The following EFEMP1 variants were observed in gnomAD, a reference collection of about 807,000 sequenced individuals.
EFEMP1 encodes the protein EGF-containing fibulin-like extracellular matrix protein 1.
In EFEMP1, 18 loss-of-function variants were observed where a neutral mutation model predicts 65.7. The ratio of observed to expected loss-of-function variants is 0.27; its 90% CI spans 0.19 to 0.41. The LOEUF is 0.41. Ranked by LOEUF, EFEMP1 falls within the 10% of genes least tolerant of loss-of-function variation. EFEMP1 has a pLI of 1.00. For missense variants in EFEMP1, 469 were observed against 624.8 expected (o/e 0.75, Z 2.66); for synonymous variants, 237 against 219.7 (o/e 1.08, Z -0.70).
intron 5 of EFEMP1, among the ~76,000 whole-genome samples, chr2:55,903,173 C>A (rs1280156853): frequency 6.6e-6 from 1 of 152,134 alleles, no homozygotes; most frequent in African/African-American, 2.4e-5. Context: ...TTTCTGGAAT[C>A]CTCTTGAGCA....
rs909972919 is a variant in EFEMP1 at position 55,877,124 on chromosome 2, G to A, written c.761-382C>T. Among the ~76,000 whole-genome samples the A allele has an allele frequency of 1.3e-5, 2 of 152,042 alleles. No homozygotes were observed. Among genetic ancestry groups the A allele is most frequent in the East Asian group, 1.9e-4 (1 of 5,198 alleles). ...CCAATTCTATAAATAATTGATATAA[G>A]ACACTTATACTGATATGGTCTCTCA... On this transcript the variant is annotated intron_variant, in intron 7 of 11. Transcript: ENST00000355426. This position sits in a 1 kb window ranked among gnomAD's most constrained non-coding sequence, Gnocchi z 4.5.
At chr2:55,880,987 GT>G (rs2104390829) in intron 6 of EFEMP1, among the ~76,000 whole-genome samples, 1 of 152,294 alleles carries the variant, frequency 6.6e-6, no homozygotes, top group East Asian at 1.9e-4. Flanking sequence ...TGTACTCATG[GT>G]ACCCTACAAA....
In EFEMP1 at chr2:55,881,854, C is replaced by T. The variant is rs548849383; in HGVS notation, c.518-120G>A. ...TTCTTAAAAGTTTATAATGTTCTTG[C>T]ATTGGAAATGTTTAAAATTATAAAT... On this transcript the variant is annotated intron_variant, in intron 5 of 11. Transcript: ENST00000355426. The T allele has an allele frequency of 5.4e-4, 700 of 1,288,020 alleles. 6 individuals are homozygous for T. The South Asian group carries it at 7.1e-3, about 13-fold the overall frequency. The allele number at this position is 1,288,020 out of a possible 1,614,324, so 79.8% of individuals were successfully genotyped here.
At chr2:55,874,007 C>A (rs892705414) in intron 9 of EFEMP1, among the ~76,000 whole-genome samples, 7 of 152,090 alleles carry the variant, frequency 4.6e-5, no homozygotes, top group African/African-American at 1.7e-4. Context: ...CCTGTACAAG[C>A]TTTATAGTTT....
intron 5 of EFEMP1, among the ~76,000 whole-genome samples, chr2:55,910,492 C>A (rs576130653): frequency 2.0e-5 from 3 of 152,280 alleles, no homozygotes; most frequent in Admixed American, 2.0e-4. Flanking sequence ...GCCAGCAATT[C>A]AACACGTGCA....
intron 5 of EFEMP1, among the ~76,000 whole-genome samples, chr2:55,897,472 T>A (rs1669872024): frequency 6.6e-6 from 1 of 152,204 alleles, no homozygotes; most frequent in Non-Finnish European, 1.5e-5. Context: ...CAGGTATGAC[T>A]ATTATTAATG....
intron 5 of EFEMP1, among the ~76,000 whole-genome samples, chr2:55,901,793 T>C (rs1670045691): frequency 6.6e-6 from 1 of 152,120 alleles, no homozygotes; most frequent in South Asian, 2.1e-4. Flanking sequence ...AATTGATGGG[T>C]TGCCACTTCT....
chr2:55,904,930 C>G (rs1409566093), intron 5 of EFEMP1, among the ~76,000 whole-genome samples: 1 of 144,036 alleles, frequency 6.9e-6, no homozygotes, highest in Non-Finnish European at 1.5e-5. Flanking sequence ...CTAACTGTGA[C>G]AGAGAAATTA....
At chr2:55,876,908 A>T (rs1374335317) in intron 7 of EFEMP1, among the ~76,000 whole-genome samples, 166 bp from the exon 8 acceptor site, 1 of 152,078 alleles carries the variant, frequency 6.6e-6, no homozygotes, top group East Asian at 1.9e-4. Context: ...ACTGGAGAAC[A>T]TCCATTTAGG....
At position 55,885,163 on chromosome 2, in the gene EFEMP1, T is replaced by C. The variant is rs1224156125; in HGVS notation, c.518-3429A>G. On this transcript the variant is annotated intron_variant, in intron 5 of 11. Coordinates refer to ENST00000355426, the MANE Select transcript of EFEMP1 (RefSeq NM_001039348.3). This position sits in a 1 kb window ranked among gnomAD's most constrained non-coding sequence, Gnocchi z 4.3. ...TATAAAGCAGATTCGCCAGAAGAGG[T>C]GGGTTCTCCACTGCATTTTGAAGAA... 3.3e-5 allele frequency among the ~76,000 whole-genome samples: 5 copies of C among 151,932 alleles called. No homozygotes were observed. The highest frequency in any genetic ancestry group is 1.2e-4 in the African/African-American group (5 of 41,350).
rs1321561831 is a variant in EFEMP1 at position 55,871,030 on chromosome 2, CA to C, written c.1093del (p.Cys365ValfsTer7). On this transcript the variant is annotated frameshift_variant, in exon 10 of 12. Coordinates refer to ENST00000355426, the MANE Select transcript of EFEMP1 (RefSeq NM_001039348.3). LOFTEE classifies it high-confidence loss of function. The surrounding 1 kb of genome is among the most constrained non-coding windows in gnomAD (Gnocchi z 4.2). ...GGFRCYPRNP[C>X]QDPYILTPEN... ...TGGTGTTAGAATGTAGGGATCTTGACAAGGATTTCGTGGATAACAACGGAAG... is the reference window on the plus strand; with the variant it reads ...TGGTGTTAGAATGTAGGGATCTTGACAGGATTTCGTGGATAACAACGGAAG... 6.2e-7 allele frequency: 1 copy of C among 1,613,564 alleles called. No individual in the cohort carries two copies. The highest frequency in any genetic ancestry group is 1.3e-5 in the African/African-American group (1 of 74,886).
chr2:55,876,808 A>G, intron 7 of EFEMP1, 66 bp from the exon 8 acceptor site: 1 of 977,828 alleles, frequency 1.0e-6, no homozygotes, highest in Non-Finnish European at 1.4e-6. Flanking sequence ...ATATATATAG[A>G]CTTTAAACAT....
At position 55,899,201 on chromosome 2, in the gene EFEMP1, C is replaced by G. The variant is rs767604584; in HGVS notation, c.518-17467G>C. Among the ~76,000 whole-genome samples, 230 of 152,342 alleles carry G rather than the reference C, an allele frequency of 1.5e-3. 1 individual carries two copies. Among genetic ancestry groups the G allele is most frequent in the Middle Eastern group, 3.4e-3 (1 of 294 alleles). On this transcript the variant is annotated intron_variant, in intron 5 of 11. Coordinates refer to ENST00000355426, the MANE Select transcript of EFEMP1 (RefSeq NM_001039348.3). The stretch of plus-strand genomic sequence containing the variant: ...ATTTTTCAGTAATCGCCACTTACCA[C>G]TGATGATGTGGGGACTGAGGCTCTC...
intron 5 of EFEMP1, among the ~76,000 whole-genome samples, chr2:55,907,665 C>G (rs3791659): frequency 0.098 from 14,866 of 152,218 alleles, 944 homozygotes; most frequent in South Asian, 0.25. Flanking sequence ...CTAACATCAT[C>G]ATTGAATAAA....
In EFEMP1 at chr2:55,870,709, A is replaced by G. The variant is rs754178385; in HGVS notation, c.1320+11T>C. On this transcript the variant is annotated intron_variant, in intron 11 of 11. Transcript: ENST00000355426. This position sits in a 1 kb window ranked among gnomAD's most constrained non-coding sequence, Gnocchi z 5.8. ...TTTCTCAATAGTTAAGGCTGCCTTC[A>G]GGATACTTACTCGTAGGTAGAACTC... The G allele has an allele frequency of 2.5e-6, 4 of 1,613,242 alleles. No homozygotes were observed. In the South Asian group the frequency reaches 3.3e-5, roughly 13 times the overall value.
chr2:55,873,101 C>CACACACACAG lies in EFEMP1; in HGVS notation c.1000+1844_1000+1845insCTGTGTGTGT, dbSNP rs1349471027. Among the ~76,000 whole-genome samples, 3 of 150,942 alleles carry CACACACACAG rather than the reference C, an allele frequency of 2.0e-5. No individual in the cohort carries two copies. The East Asian group carries it at 5.8e-4, about 29-fold the overall frequency. Reference sequence around the variant, plus strand: ...ACACACACACACACACACACACACACAGTTTTCATTTGTATAGGCCTGTGA... The same window carrying CACACACACAG: ...ACACACACACACACACACACACACACACACACACAGAGTTTTCATTTGTATAGGCCTGTGA... On this transcript the variant is annotated intron_variant, in intron 9 of 11. Transcript: ENST00000355426. The surrounding 1 kb of genome is among the most constrained non-coding windows in gnomAD (Gnocchi z 4.6).
At chr2:55,914,932 G>A (rs997672444) in intron 5 of EFEMP1, among the ~76,000 whole-genome samples, 2 of 152,188 alleles carry the variant, frequency 1.3e-5, no homozygotes, top group Non-Finnish European at 2.9e-5. Context: ...TTGTGCTGCT[G>A]GCCTGGAATG....
At chr2:55,906,741 C>T (rs539153594) in intron 5 of EFEMP1, among the ~76,000 whole-genome samples, 105 of 152,242 alleles carry the variant, frequency 6.9e-4, no homozygotes, top group Non-Finnish European at 9.0e-4. Flanking sequence ...ATATAATTTA[C>T]CAAAGTCTGA....
At chr2:55,875,859 A>G (rs1669012604) in intron 8 of EFEMP1, among the ~76,000 whole-genome samples, 1 of 151,770 alleles carries the variant, frequency 6.6e-6, no homozygotes. Flanking sequence ...TCAGAAGGGC[A>G]GAGGCAGCTG....
Sources: gnomAD v4.1 joint callset for allele counts (sites outside exome capture counted in the v4.1 genomes callset) on GRCh38, gnomAD v4.1.1 for gene constraint, Gnocchi (gnomAD v3.1) non-coding constraint, MANE v1.5 for transcripts, NCBI Gene and HGNC (gene_info 2026-07-23, HGNC 2026-07-21) for gene names.